Variants in GABRA3 observed in about 807,000 individuals in gnomAD.
The protein encoded by GABRA3 is gamma-aminobutyric acid type A receptor subunit alpha3.
In GABRA3, 10 loss-of-function variants were observed where a neutral mutation model predicts 30.1. That is an observed-to-expected ratio of 0.33 (90% CI 0.20 to 0.56). GABRA3 has a LOEUF of 0.56. Ranked by LOEUF, GABRA3 falls within the 20% of genes least tolerant of loss-of-function variation. The probability of loss-of-function intolerance (pLI) is 0.89; values close to 1 mark genes in which losing one functional copy is unlikely to be tolerated. For synonymous variants in GABRA3, 151 were observed against 146.8 expected, an observed-to-expected ratio of 1.03 and a Z score of -0.21; for missense variants, 233 against 392.0, an observed-to-expected ratio of 0.59 and a Z score of 3.42.
chrX:152,349,743 C>G (rs1449111421), intron 2 of GABRA3, among the ~76,000 whole-genome samples: 3 of 87,990 alleles, frequency 3.4e-5, no homozygotes, highest in African/African-American at 1.3e-4. Context: ...ATCAATTCAA[C>G]AAGAAGAGCT....
chrX:152,394,995 G>A (rs1380294942), intron 1 of GABRA3, among the ~76,000 whole-genome samples: 7 of 111,235 alleles, frequency 6.3e-5, no homozygotes, highest in Non-Finnish European at 3.8e-5. Context: ...AGGTGCAGAT[G>A]GACATGATAT....
chrX:152,269,965 G>A (rs1273858209), intron 4 of GABRA3, among the ~76,000 whole-genome samples: 1 of 111,614 alleles, frequency 9.0e-6, no homozygotes, highest in Non-Finnish European at 1.9e-5. Context: ...TCAAAAGCAT[G>A]GACAACCAAA....
intron 3 of GABRA3, among the ~76,000 whole-genome samples, chrX:152,308,814 T>C (rs1939757729): frequency 8.9e-6 from 1 of 112,206 alleles, no homozygotes; most frequent in African/African-American, 3.2e-5. Context: ...GGCTGAAATG[T>C]CAGACATAGA....
At chrX:152,330,155 T>C (rs1048204406) in intron 3 of GABRA3, among the ~76,000 whole-genome samples, 1 of 111,714 alleles carries the variant, frequency 9.0e-6, no homozygotes, top group African/African-American at 3.3e-5. Flanking sequence ...TGAGATACCA[T>C]CTCACACCTG....
chrX:152,178,415 G>A (rs1034295269), intron 9 of GABRA3, among the ~76,000 whole-genome samples: 1 of 111,507 alleles, frequency 9.0e-6, no homozygotes, highest in African/African-American at 3.3e-5. Context: ...ATACCAAGGG[G>A]TGATTTGATT....
chrX:152,357,393 T>C (rs982965236), intron 2 of GABRA3, among the ~76,000 whole-genome samples: 5 of 112,130 alleles, frequency 4.5e-5, no homozygotes, highest in African/African-American at 9.7e-5. Context: ...TTCAGCATTT[T>C]TTCATATGCT....
At chrX:152,236,143 C>G (rs1164701730) in intron 5 of GABRA3, among the ~76,000 whole-genome samples, 1 of 65,924 alleles carries the variant, frequency 1.5e-5, no homozygotes, top group Non-Finnish European at 2.8e-5. Context: ...ATCCCTCCCC[C>G]CTCCCCCCAC....
chrX:152,350,181 C>G (rs1215414633), intron 2 of GABRA3, among the ~76,000 whole-genome samples: 1 of 105,445 alleles, frequency 9.5e-6, no homozygotes, highest in Non-Finnish European at 1.9e-5. Flanking sequence ...TACATGGAAA[C>G]TGAACAACCT....
At chrX:152,185,846 C>A (rs1937246180) in intron 9 of GABRA3, among the ~76,000 whole-genome samples, 1 of 112,229 alleles carries the variant, frequency 8.9e-6, no homozygotes, top group Admixed American at 9.5e-5. Flanking sequence ...GCATTTTCTT[C>A]ATATCCTAGC....
chrX:152,197,633 C>G lies in GABRA3; in HGVS notation c.931G>C (p.Gly311Arg). 8.3e-7 allele frequency: 1 copy of G among 1,201,244 alleles called. No homozygotes were observed. Residue 311 changes from glycine (G) to arginine (R), a missense_variant and splice_region_variant, in exon 8 of 10, where the codon GGT becomes CGT. Coordinates refer to ENST00000370314, the MANE Select transcript of GABRA3 (RefSeq NM_000808.4). Reference protein sequence around the residue: ...RESVPARTVFGVTTVLTMTTL... With the variant: ...RESVPARTVFRVTTVLTMTTL... ...CTACGCTCCATAAATTATCACTCACCAAAGACTGTACGGGCAGGAACAGAC... is the reference window on the plus strand; with the variant it reads ...CTACGCTCCATAAATTATCACTCACGAAAGACTGTACGGGCAGGAACAGAC...
intron 3 of GABRA3, among the ~76,000 whole-genome samples, chrX:152,304,069 A>G (rs1815732307): frequency 2.7e-5 from 3 of 111,439 alleles, no homozygotes; most frequent in Non-Finnish European, 5.7e-5. Context: ...AATATTGAGC[A>G]TTTTTTTCAT....
chrX:152,372,302 C>G (rs1465107520), intron 1 of GABRA3, among the ~76,000 whole-genome samples: 1 of 111,725 alleles, frequency 9.0e-6, no homozygotes, highest in Non-Finnish European at 1.9e-5. Context: ...AACCTCACCT[C>G]TTTCTACTTT....
At chrX:152,430,540 C>T (rs147995811) in intron 1 of GABRA3, among the ~76,000 whole-genome samples, 107 of 111,281 alleles carry the variant, frequency 9.6e-4, no homozygotes, top group African/African-American at 3.4e-3. Context: ...ACTTGCATCA[C>T]GCCAAGCACT....
chrX:152,303,825 A>C (rs1939676302), intron 3 of GABRA3, among the ~76,000 whole-genome samples: 1 of 109,723 alleles, frequency 9.1e-6, no homozygotes. Flanking sequence ...GTGGGGGCCA[A>C]CGGGGGGAGA....
At chrX:152,441,546 A>T (rs945737917) in intron 1 of GABRA3, among the ~76,000 whole-genome samples, 1 of 111,946 alleles carries the variant, frequency 8.9e-6, no homozygotes, top group African/African-American at 3.2e-5. Context: ...AAAAAACAAG[A>T]AAAGTGGTGT....
chrX:152,298,606 T>C (rs1224430082), intron 3 of GABRA3, among the ~76,000 whole-genome samples: 1 of 111,130 alleles, frequency 9.0e-6, no homozygotes, highest in African/African-American at 3.3e-5. Flanking sequence ...TGCCACATTT[T>C]CTTAATCCAG....
At chrX:152,375,483 T>C (rs1336337686) in intron 1 of GABRA3, among the ~76,000 whole-genome samples, 1 of 112,344 alleles carries the variant, frequency 8.9e-6, no homozygotes, top group Non-Finnish European at 1.9e-5. Context: ...CTCCACTTGC[T>C]CTTTGAAATT....
At chrX:152,233,963 G>A (rs1348482947) in intron 5 of GABRA3, among the ~76,000 whole-genome samples, 6 of 102,780 alleles carry the variant, frequency 5.8e-5, no homozygotes, top group Admixed American at 5.4e-4. Context: ...ACCAAACACC[G>A]CATATTCTCA....
chrX:152,266,061 G>A (rs1938817987), intron 4 of GABRA3, among the ~76,000 whole-genome samples: 1 of 111,221 alleles, frequency 9.0e-6, no homozygotes, highest in East Asian at 2.8e-4. Context: ...AACATTTAAA[G>A]AAGAACTAAT....
Sources: allele counts gnomAD v4.1 joint callset (sites outside exome capture counted in the v4.1 genomes callset), GRCh38; gene constraint gnomAD v4.1.1; transcripts MANE v1.5; gene names NCBI Gene and HGNC (gene_info 2026-07-23, HGNC 2026-07-21).